HERPUD1: variants seen among roughly 807,000 people sequenced by gnomAD.
HERPUD1 encodes homocysteine-responsive endoplasmic reticulum-resident ubiquitin-like domain member 1 protein.
In HERPUD1, 17 loss-of-function variants were observed where a neutral mutation model predicts 45.0. The observed-to-expected ratio is 0.38, with a 90% CI of 0.26 to 0.57. HERPUD1 has a LOEUF of 0.57. Among genes scored for constraint, HERPUD1 ranks in the 20% least tolerant of loss-of-function variants. HERPUD1 has a pLI of 0.72. For missense variants in HERPUD1, 420 were observed against 490.5 expected, an observed-to-expected ratio of 0.86 and a Z score of 1.36; for synonymous variants, 164 against 177.5, an observed-to-expected ratio of 0.92 and a Z score of 0.61.
intron 1 of HERPUD1, among the ~76,000 whole-genome samples, chr16:56,933,678 T>G (rs2055844140): frequency 6.6e-6 from 1 of 152,218 alleles, no homozygotes; most frequent in African/African-American, 2.4e-5. Flanking sequence ...ATACTTATCA[T>G]TTGTTTTCTG....
At chr16:56,933,380 T>TG (rs755134317) in intron 1 of HERPUD1, 1 of 455,598 alleles carries the variant, frequency 2.2e-6, no homozygotes, top group Non-Finnish European at 4.4e-6. Context: ...TTGCATTCCA[T>TG]GTCCTCTAGA....
intron 6 of HERPUD1, chr16:56,940,489 T>C: frequency 2.4e-6 from 1 of 424,154 alleles, no homozygotes; most frequent in Non-Finnish European, 4.3e-6. Context: ...ATATTTCTAG[T>C]AGAGACGGGG....
intron 7 of HERPUD1, 84 bp from the exon 8 acceptor site, chr16:56,943,042 C>T: frequency 7.1e-7 from 1 of 1,411,426 alleles, no homozygotes; most frequent in South Asian, 1.3e-5. Context: ...ATTTACCCTG[C>T]CCTTTCCTAA....
chr16:56,940,407 A>C, intron 6 of HERPUD1, 162 bp downstream of exon 6: 1 of 603,256 alleles, frequency 1.7e-6, no homozygotes, highest in East Asian at 2.8e-5. Flanking sequence ...CCCAGGTTCA[A>C]GCGATTCTCC....
chr16:56,933,905 C>G (rs1265177993), intron 1 of HERPUD1, among the ~76,000 whole-genome samples: 1 of 152,196 alleles, frequency 6.6e-6, no homozygotes, highest in Non-Finnish European at 1.5e-5. Flanking sequence ...ACAAAAGGTA[C>G]TGTTTTCCAA....
chr16:56,939,185 T>A, intron 4 of HERPUD1, 52 bp from the exon 5 acceptor site: 1 of 1,567,996 alleles, frequency 6.4e-7, no homozygotes. Flanking sequence ...TAGTTTTCAT[T>A]TGTTCATACT....
At chr16:56,935,164 A>G (rs2144816803) in intron 1 of HERPUD1, 71 bp from the exon 2 acceptor site, 1 of 1,015,938 alleles carries the variant, frequency 9.8e-7, no homozygotes, top group African/African-American at 1.6e-5. Flanking sequence ...TGTATAAAAC[A>G]GTTTATTCTG....
intron 4 of HERPUD1, 116 bp from the exon 5 acceptor site, chr16:56,939,121 G>A (rs1003458634): frequency 5.1e-5 from 61 of 1,202,896 alleles, no homozygotes; most frequent in Non-Finnish European, 6.5e-5. Context: ...TGTAACTGCC[G>A]TAAATTCCAT....
chr16:56,938,143 C>T (rs756789141), intron 4 of HERPUD1, among the ~76,000 whole-genome samples: 23 of 152,070 alleles, frequency 1.5e-4, no homozygotes, highest in Non-Finnish European at 2.8e-4. Context: ...GATCTTTGGG[C>T]AATTCTATTA....
In HERPUD1 at chr16:56,940,074, G is replaced by A. The variant is rs147114813; in HGVS notation, c.734G>A (p.Arg245Gln). 119 of 1,614,170 alleles carry A rather than the reference G, an allele frequency of 7.4e-5. No individual in the cohort carries two copies. In the East Asian group the frequency reaches 1.1e-3, roughly 15 times the overall value. ...AATCCTGGAGCCAATCAAAATTTGC[G>A]GATGAATGCACAAGGTGGCCCTATT... ...VVNPGANQNLRMNAQGGPIVE... is the reference protein window; with the variant it reads ...VVNPGANQNLQMNAQGGPIVE... The change falls in exon 6 of 8, where the codon CGG becomes CAG. Residue 245 changes from arginine to glutamine, a missense_variant. Arg to Gln is a conservative substitution (Grantham distance 43). Coordinates refer to ENST00000439977, the MANE Select transcript of HERPUD1 (RefSeq NM_014685.4).
Position 56,932,360 on chromosome 16 carries a change from C to A in HERPUD1, c.116C>A (p.Ala39Asp), listed in dbSNP as rs1320866365. ...DRGWSVGHLKAHLSRVYPERP... is the reference protein window; with the variant it reads ...DRGWSVGHLKDHLSRVYPERP... The stretch of plus-strand genomic sequence containing the variant: ...GGCTGGAGTGTGGGCCACCTCAAGG[C>A]CCACCTGAGCCGCGTCTACCCCGAG... Residue 39 changes from alanine to aspartate, a missense_variant, in exon 1 of 8, where the codon GCC becomes GAC. Coordinates refer to ENST00000439977, the MANE Select transcript of HERPUD1 (RefSeq NM_014685.4). 4 of 1,596,484 alleles carry A rather than the reference C, an allele frequency of 2.5e-6. No homozygotes were observed.
intron 4 of HERPUD1, 137 bp from the exon 5 acceptor site, chr16:56,939,100 G>C: frequency 1.1e-6 from 1 of 898,502 alleles, no homozygotes; most frequent in South Asian, 1.6e-5. Flanking sequence ...GCGTCATACA[G>C]TCATTTACCA....
rs141818354 is a variant in HERPUD1 at position 56,933,149 on chromosome 16, C to T, written c.147+758C>T. 233 of 407,998 alleles carry T rather than the reference C, an allele frequency of 5.7e-4. 1 individual carries two copies. In the East Asian group the frequency reaches 0.015, roughly 26 times the overall value. The allele number at this position is 407,998 out of a possible 1,614,324, so 25.3% of individuals were successfully genotyped here. On this transcript the variant is annotated intron_variant, in intron 1 of 7. Transcript: ENST00000439977. ...TGGCCCTTCCTGTATTTACTTTCTG[C>T]TCTGATATTATGTAAGTGTCAGCAG...
chr16:56,934,841 A>G, intron 1 of HERPUD1: 1 of 197,404 alleles, frequency 5.1e-6, no homozygotes, highest in East Asian at 1.3e-4. Context: ...CCTCCTGAGT[A>G]GTTTGGGTTA....
chr16:56,932,313 C>G lies in HERPUD1; in HGVS notation c.69C>G (p.Asp23Glu). Residue 23 changes from aspartate to glutamate, a missense_variant, in exon 1 of 8, where the codon GAC becomes GAG. Transcript: ENST00000439977. ...LVKSPNQRHR[D>E]LELSGDRGWS... ...AGAGCCCCAACCAGCGCCACCGCGA[C>G]TTGGAGCTGAGTGGCGACCGCGGCT... The G allele has an allele frequency of 6.2e-7, 1 of 1,608,062 alleles. No homozygotes were observed. Among genetic ancestry groups the G allele is most frequent in the South Asian group, 1.1e-5 (1 of 90,778 alleles).
In HERPUD1 at chr16:56,940,232, G is replaced by C. The variant is rs766290246; in HGVS notation, c.892G>C (p.Val298Leu). Residue 298 changes from valine to leucine, a missense_variant, in exon 6 of 8, where the codon GTT becomes CTT. By Grantham distance (32) the Val-to-Leu change is conservative (BLOSUM62 1). Coordinates refer to ENST00000439977, the MANE Select transcript of HERPUD1 (RefSeq NM_014685.4). ...SRFLMVMGAT[V>L]VMYLHHVGWF... ...ATTCCTCATGGTCATGGGGGCCACCGTTGTTATGTACCTGTAAGCAGATGG... is the reference window on the plus strand; with the variant it reads ...ATTCCTCATGGTCATGGGGGCCACCCTTGTTATGTACCTGTAAGCAGATGG... 1 of 1,608,420 alleles carries C rather than the reference G, an allele frequency of 6.2e-7. No individual in the cohort carries two copies. The highest frequency in any genetic ancestry group is 1.1e-5 in the South Asian group (1 of 90,960).
At chr16:56,939,405 T>C in intron 5 of HERPUD1, 46 bp downstream of exon 5, 1 of 1,610,988 alleles carries the variant, frequency 6.2e-7, no homozygotes, top group South Asian at 1.1e-5. Context: ...CTCCCGGGAA[T>C]TGAAGGGAAT....
chr16:56,936,966 C>T (rs1207708549), intron 4 of HERPUD1, 149 bp downstream of exon 4: 34 of 735,924 alleles, frequency 4.6e-5, no homozygotes, highest in Non-Finnish European at 6.1e-5. Flanking sequence ...TTAAAGATCT[C>T]TTATATATTT....
intron 7 of HERPUD1, 102 bp from the exon 8 acceptor site, chr16:56,943,024 G>A: frequency 8.2e-7 from 1 of 1,220,306 alleles, no homozygotes; most frequent in Admixed American, 1.9e-5. Flanking sequence ...ATGGGGCAGG[G>A]GGCAGGGATT....
Sources: gnomAD v4.1 joint callset for allele counts (sites outside exome capture counted in the v4.1 genomes callset) on GRCh38, gnomAD v4.1.1 for gene constraint, MANE v1.5 for transcripts, NCBI Gene and HGNC (gene_info 2026-07-23, HGNC 2026-07-21) for gene names.